The following ABCB9 variants were observed in gnomAD, a reference collection of about 807,000 sequenced individuals.
ABCB9 encodes ATP binding cassette subfamily B member 9, also known as ABC-type oligopeptide transporter ABCB9.
In ABCB9, 36 loss-of-function variants were observed where a neutral mutation model predicts 62.0. The observed-to-expected ratio is 0.58, with a 90% CI of 0.45 to 0.77. The LOEUF is 0.77. Ranked by LOEUF, ABCB9 falls within the 30% of genes least tolerant of loss-of-function variation. ABCB9 has a pLI of 0.00. For missense variants in ABCB9, 943 were observed against 1,054.7 expected, an observed-to-expected ratio of 0.89 and a Z score of 1.47; for synonymous variants, 435 against 461.4, an observed-to-expected ratio of 0.94 and a Z score of 0.73.
At chr12:122,950,381 C>T in intron 3 of ABCB9, 70 bp downstream of exon 3, 1 of 1,425,542 alleles carries the variant, frequency 7.0e-7, no homozygotes, top group East Asian at 2.4e-5. Context: ...TCCTTAGGAA[C>T]AGGCCCTCCC....
chr12:122,949,707 C>G lies in ABCB9; in HGVS notation c.847+81G>C, dbSNP rs534921904. 1.1e-5 allele frequency: 17 copies of G among 1,564,878 alleles called. No individual in the cohort carries two copies. The Admixed American group carries it at 1.2e-4, about 11-fold the overall frequency. The stretch of plus-strand genomic sequence containing the variant: ...CAGAGGGCTGAGACCACCCACACGC[C>G]CATTTCATTCCTCAGTGCCAGGCAA... On this transcript the variant is annotated intron_variant, in intron 4 of 11. Coordinates refer to ENST00000280560, the MANE Select transcript of ABCB9 (RefSeq NM_019625.4).
intron 6 of ABCB9, 68 bp downstream of exon 6, chr12:122,945,957 T>A (rs1337386505): frequency 5.3e-6 from 8 of 1,515,980 alleles, no homozygotes; most frequent in Non-Finnish European, 7.2e-6. Context: ...ATGTCCTAGA[T>A]CGAGGGCTTC....
Position 122,937,514 on chromosome 12 carries a change from C to T in ABCB9, c.1744-2083G>A, listed in dbSNP as rs1271094257. On this transcript the variant is annotated intron_variant, in intron 9 of 11. Coordinates refer to ENST00000280560, the MANE Select transcript of ABCB9 (RefSeq NM_019625.4). ...ACAATAAGCTACCACTACATTCTCA[C>T]CAGTTAGCAAAAATTCAGGACTGAC... 4.6e-5 allele frequency among the ~76,000 whole-genome samples: 7 copies of T among 152,308 alleles called. No homozygotes were observed. The East Asian group carries it at 1.3e-3, about 29-fold the overall frequency.
chr12:122,973,608 A>T lies in ABCB9; in HGVS notation c.-88+1107T>A, dbSNP rs1163918232. ...AAAAAAAAAAAAAAAAAAAAAAAAA[A>T]ACAAAAACTTTGGGAGGCCGAGGCA... On this transcript the variant is annotated intron_variant, in intron 1 of 11. Transcript: ENST00000392439. Among the ~76,000 whole-genome samples the T allele has an allele frequency of 1.3e-4, 17 of 133,074 alleles. 1 individual carries two copies. In the South Asian group the frequency reaches 3.2e-3, roughly 25 times the overall value. The allele number at this position is 133,074 out of a possible 152,430, so 87.3% of individuals were successfully genotyped here. A position where few individuals can be genotyped will look rare whatever the true frequency, so the allele number is the denominator to read the frequency against.
chr12:122,919,069 A>T (rs1365228908), downstream of ABCB9, among the ~76,000 whole-genome samples: 1 of 152,146 alleles, frequency 6.6e-6, no homozygotes. Flanking sequence ...ATGTACCAGC[A>T]CTTCATTCCT....
Position 122,944,600 on chromosome 12 carries a change from G to T in ABCB9, c.1252-81C>A. On this transcript the variant is annotated intron_variant, in intron 6 of 11. Coordinates refer to ENST00000280560, the MANE Select transcript of ABCB9 (RefSeq NM_019625.4). The surrounding 1 kb of genome is among the most constrained non-coding windows in gnomAD (Gnocchi z 4.9). ...CCCATTCCCTGACCCATCCCAGGCT[G>T]CAGGGGGAGGTGAGGGCAGACCCAG... 6.4e-7 allele frequency: 1 copy of T among 1,562,044 alleles called. No homozygotes were observed. The highest frequency in any genetic ancestry group is 8.7e-7 in the Non-Finnish European group (1 of 1,150,988).
exon 1 of ABCB9, chr12:122,974,911 C>G (rs58025094): frequency 0.033 from 6,833 of 205,528 alleles, 472 homozygotes; most frequent in African/African-American, 0.15. Flanking sequence ...GGGCAGACGG[C>G]GGGGGGTGGG....
exon 1 of ABCB9, chr12:122,974,965 C>T (rs1447551330): frequency 3.4e-6 from 1 of 294,950 alleles, no homozygotes; most frequent in Admixed American, 5.0e-5. Context: ...GTCCCTTCCT[C>T]TCCCCGTCCT....
At chr12:122,936,583 C>T (rs1403908400) in intron 9 of ABCB9, among the ~76,000 whole-genome samples, 1 of 151,044 alleles carries the variant, frequency 6.6e-6, no homozygotes, top group African/African-American at 2.4e-5. Flanking sequence ...CTGAGCAACA[C>T]AGTGAGAACC....
chr12:122,940,237 C>T lies in ABCB9; in HGVS notation c.1617G>A (p.Gly539=). Residue 539 remains glycine, a synonymous_variant, in exon 9 of 12, where the codon GGG becomes GGA. Coordinates refer to ENST00000280560, the MANE Select transcript of ABCB9 (RefSeq NM_019625.4). This position sits in a 1 kb window ranked among gnomAD's most constrained non-coding sequence, Gnocchi z 4.8. Reference sequence around the variant, plus strand: ...AGGAGCTCTTCCCACTGCCCGAGGGCCCCACCAGGGCCGTCACCTTGCCGG... The same window carrying T: ...AGGAGCTCTTCCCACTGCCCGAGGGTCCCACCAGGGCCGTCACCTTGCCGG... The part of the protein sequence containing the change: ...LSPGKVTALV[G]PSGSGKSSCV... 6.2e-7 allele frequency: 1 copy of T among 1,611,154 alleles called. No homozygotes were observed. The highest frequency in any genetic ancestry group is 1.1e-5 in the South Asian group (1 of 90,722).
intron 2 of ABCB9, chr12:122,952,355 G>C (rs771542644): frequency 5.3e-5 from 8 of 152,308 alleles, no homozygotes; most frequent in Non-Finnish European, 1.2e-4. Context: ...CTTTCCATGA[G>C]CAGAGCCAGG....
rs775949751 is a variant in ABCB9, at chr12:122,929,980, C to T, written c.2232G>A (p.Gly744=). ...YAKLVQRQML[G]LQPAADFTAG... is the part of the protein sequence containing the mutation. ...CTGTGAAGTCTGCGGCGGGCTGAAG[C>T]CCCAGCATCTGCCGCTGCACCAGCT... The change falls in exon 12 of 12, where the codon GGG becomes GGA. Residue 744 remains glycine, a synonymous_variant. Transcript: ENST00000280560. The surrounding 1 kb of genome is among the most constrained non-coding windows in gnomAD (Gnocchi z 6.0). The T allele has an allele frequency of 3.2e-6, 5 of 1,578,776 alleles. No individual in the cohort carries two copies. In the African/African-American group the frequency reaches 5.4e-5, roughly 17 times the overall value.
intron 7 of ABCB9, among the ~76,000 whole-genome samples, chr12:122,942,005 A>G (rs2035786544): frequency 6.6e-6 from 1 of 152,130 alleles, no homozygotes; most frequent in South Asian, 2.1e-4. Flanking sequence ...CTGGGATTAC[A>G]GGTGTGGGCC....
chr12:122,971,112 A>C (rs117709257), upstream of ABCB9, among the ~76,000 whole-genome samples: 266 of 152,214 alleles, frequency 1.7e-3, 13 homozygotes, highest in East Asian at 0.048. Context: ...CATTTGTCAA[A>C]AACTATAGGC....
chr12:122,938,040 A>C (rs868705888), intron 9 of ABCB9, among the ~76,000 whole-genome samples: 13 of 152,328 alleles, frequency 8.5e-5, no homozygotes, highest in South Asian at 2.1e-4. Context: ...GTAAAATGTA[A>C]ATTGGTATAA....
exon 1 of ABCB9, chr12:122,974,985 C>T (rs1416376382): frequency 1.2e-5 from 4 of 331,734 alleles, no homozygotes; most frequent in Non-Finnish European, 2.2e-5. Context: ...TGTGAAGGCA[C>T]GACCCAGTTC....
At chr12:122,927,896 G>A (rs73408832), downstream of ABCB9, among the ~76,000 whole-genome samples, 5,659 of 152,246 alleles carry the variant, frequency 0.037, 336 homozygotes, top group African/African-American at 0.13. Flanking sequence ...CAACTTCTCT[G>A]GAAACATCTG....
intron 11 of ABCB9, chr12:122,921,123 T>C (rs1212877351): frequency 1.4e-6 from 2 of 1,460,232 alleles, no homozygotes; most frequent in Non-Finnish European, 1.9e-6. Flanking sequence ...TCATGCAATT[T>C]AAAATGGTTG....
chr12:122,921,117 G>T, intron 11 of ABCB9: 1 of 1,480,726 alleles, frequency 6.8e-7, no homozygotes, highest in Non-Finnish European at 9.1e-7. Context: ...TCTGGATCAT[G>T]CAATTTAAAA....
Sources: allele counts gnomAD v4.1 joint callset (sites outside exome capture counted in the v4.1 genomes callset), GRCh38; gene constraint gnomAD v4.1.1; non-coding constraint Gnocchi (gnomAD v3.1); transcripts MANE v1.5; gene names NCBI Gene and HGNC (gene_info 2026-07-23, HGNC 2026-07-21).